PRKN: variants seen among roughly 807,000 people sequenced by gnomAD.
The protein encoded by PRKN is E3 ubiquitin-protein ligase parkin.
In PRKN, 56 loss-of-function variants were observed where a neutral mutation model predicts 59.5. The ratio of observed to expected loss-of-function variants is 0.94; its 90% CI spans 0.76 to 1.18. The LOEUF (loss-of-function observed/expected upper bound fraction) is 1.18. Ranked by LOEUF, PRKN falls within the 50% of genes most tolerant of loss-of-function variation. PRKN has a pLI of 0.00. For missense variants in PRKN, 657 were observed against 596.4 expected (o/e 1.10, Z -1.06); for synonymous variants, 250 against 222.1 (o/e 1.13, Z -1.12).
intron 1 of PRKN, among the ~76,000 whole-genome samples, chr6:162,479,133 C>T (rs1004778622): frequency 6.6e-6 from 1 of 152,000 alleles, no homozygotes; most frequent in Non-Finnish European, 1.5e-5. Context: ...GTTTAACACA[C>T]AAATGTATTG....
At chr6:161,956,911 A>C (rs2128247379) in intron 6 of PRKN, among the ~76,000 whole-genome samples, 1 of 152,312 alleles carries the variant, frequency 6.6e-6, no homozygotes, top group East Asian at 1.9e-4. Flanking sequence ...ACTTTCTTGG[A>C]AAATTTCAAC....
At chr6:162,299,696 T>C (rs905377238) in intron 2 of PRKN, among the ~76,000 whole-genome samples, 4 of 151,886 alleles carry the variant, frequency 2.6e-5, no homozygotes, top group Non-Finnish European at 5.9e-5. Context: ...TTTATATATA[T>C]GTGTGTCTAT....
In PRKN at chr6:161,393,066, T is replaced by C. The variant is rs561790768; in HGVS notation, c.1084-6189A>G. On this transcript the variant is annotated intron_variant, in intron 9 of 11. Transcript: ENST00000366898. This position sits in a 1 kb window ranked among gnomAD's most constrained non-coding sequence, Gnocchi z 4.7. ...GACCCGGAGTCTGAGGCCTCTTGGA[T>C]CATTTATTATCTGTGTGATCCCAAC... Among the ~76,000 whole-genome samples, 23 of 152,242 alleles carry C rather than the reference T, an allele frequency of 1.5e-4. No individual in the cohort carries two copies. The South Asian group carries it at 4.8e-3, about 32-fold the overall frequency.
At chr6:161,653,904 G>A (rs1366400804) in intron 7 of PRKN, among the ~76,000 whole-genome samples, 1 of 152,156 alleles carries the variant, frequency 6.6e-6, no homozygotes, top group Non-Finnish European at 1.5e-5. Flanking sequence ...ACATGTCACA[G>A]GAGCACGCTG....
intron 1 of PRKN, among the ~76,000 whole-genome samples, chr6:162,584,212 C>CAAA (rs777161921): frequency 4.4e-5 from 4 of 91,282 alleles, no homozygotes; most frequent in African/African-American, 1.1e-4. Context: ...GACTCCGTCT[C>CAAA]AAAAAAAAAA....
intron 2 of PRKN, among the ~76,000 whole-genome samples, chr6:162,438,976 T>C (rs7758320): frequency 0.39 from 59,680 of 152,040 alleles, 13,024 homozygotes; most frequent in African/African-American, 0.6. Flanking sequence ...TTTTTTCTTT[T>C]TCCAGCCTAC....
At chr6:162,110,434 T>C (rs1381141992) in intron 4 of PRKN, among the ~76,000 whole-genome samples, 1 of 152,154 alleles carries the variant, frequency 6.6e-6, no homozygotes, top group Non-Finnish European at 1.5e-5. Flanking sequence ...TGTGGACATA[T>C]CAAAACTATG....
Position 161,423,078 on chromosome 6 carries a change from T to C in PRKN, c.1084-36201A>G, listed in dbSNP as rs1163476156. The stretch of plus-strand genomic sequence containing the variant: ...ATCGTAGTGAGAAATGCACGCACTA[T>C]GAGAAGGCCTTGAAACATCAGGAGC... On this transcript the variant is annotated intron_variant, in intron 9 of 11. Coordinates refer to ENST00000366898, the MANE Select transcript of PRKN (RefSeq NM_004562.3). The surrounding 1 kb of genome is among the most constrained non-coding windows in gnomAD (Gnocchi z 5.9). 6.6e-6 allele frequency among the ~76,000 whole-genome samples: 1 copy of C among 152,186 alleles called. No homozygotes were observed. The highest frequency in any genetic ancestry group is 1.9e-4 in the East Asian group (1 of 5,204).
At chr6:161,914,510 C>T (rs1268859755) in intron 6 of PRKN, among the ~76,000 whole-genome samples, 1 of 151,886 alleles carries the variant, frequency 6.6e-6, no homozygotes, top group Non-Finnish European at 1.5e-5. Flanking sequence ...ATACTACACC[C>T]ATCTGCACTG....
At chr6:161,476,013 T>C (rs140869364) in intron 9 of PRKN, among the ~76,000 whole-genome samples, 12,237 of 151,828 alleles carry the variant, frequency 0.081, 587 homozygotes, top group African/African-American at 0.14. Context: ...GGTGAAAGCC[T>C]GTCTCTACTA....
intron 1 of PRKN, among the ~76,000 whole-genome samples, chr6:162,681,060 CT>C (rs1779750868): frequency 7.2e-6 from 1 of 138,338 alleles, no homozygotes; most frequent in African/African-American, 2.5e-5. Context: ...TGGCCTCTCA[CT>C]TTCACACGTG....
chr6:162,368,378 G>A (rs919739719), intron 2 of PRKN, among the ~76,000 whole-genome samples: 2 of 152,182 alleles, frequency 1.3e-5, no homozygotes, highest in Non-Finnish European at 1.5e-5. Context: ...ACTACAGAAT[G>A]TGATTCCATG....
In PRKN at chr6:161,874,885, T is replaced by A. The variant is rs1212873256; in HGVS notation, c.735-88977A>T. On this transcript the variant is annotated intron_variant, in intron 6 of 11. Transcript: ENST00000366898. ...TATAAAATGTAAAATATAAAATATATAATATATAATATATAATATATATTA... is the reference window on the plus strand; with the variant it reads ...TATAAAATGTAAAATATAAAATATAAAATATATAATATATAATATATATTA... 1.9e-4 allele frequency among the ~76,000 whole-genome samples: 20 copies of A among 106,064 alleles called. 2 individuals are homozygous for A. Among genetic ancestry groups the A allele is most frequent in the African/African-American group, 3.3e-4 (8 of 23,944 alleles). The allele number at this position is 106,064 out of a possible 152,430, so 69.6% of individuals were successfully genotyped here. A position where few individuals can be genotyped will look rare whatever the true frequency, so the allele number is the denominator to read the frequency against.
chr6:162,299,651 A>T (rs540933031), intron 2 of PRKN, among the ~76,000 whole-genome samples: 2 of 151,350 alleles, frequency 1.3e-5, no homozygotes, highest in South Asian at 4.2e-4. Flanking sequence ...ATATGTATTT[A>T]TTCCTTTAAA....
chr6:161,821,026 G>C (rs1273852534), intron 6 of PRKN, among the ~76,000 whole-genome samples: 1 of 151,938 alleles, frequency 6.6e-6, no homozygotes, highest in African/African-American at 2.4e-5. Flanking sequence ...ACACATTTAT[G>C]CATCTAAAAA....
At chr6:161,658,393 C>A (rs1233082381) in intron 7 of PRKN, among the ~76,000 whole-genome samples, 1 of 152,154 alleles carries the variant, frequency 6.6e-6, no homozygotes, top group Non-Finnish European at 1.5e-5. Flanking sequence ...CCCTCTCAGT[C>A]CAGTGACTTA....
Position 162,121,003 on chromosome 6 carries a change from G to A in PRKN, c.535-66829C>T, listed in dbSNP as rs1004941685. Among the ~76,000 whole-genome samples, 7 of 152,274 alleles carry A rather than the reference G, an allele frequency of 4.6e-5. No individual in the cohort carries two copies. In the South Asian group the frequency reaches 1.0e-3, roughly 23 times the overall value. ...ATTTTCACTGGAACAAATAAACACA[G>A]CTCCTGGCATCTGGCAGTTTACACC... On this transcript the variant is annotated intron_variant, in intron 4 of 11. Coordinates refer to ENST00000366898, the MANE Select transcript of PRKN (RefSeq NM_004562.3).
At chr6:162,125,274 G>T (rs796671561) in intron 4 of PRKN, among the ~76,000 whole-genome samples, 43 of 152,292 alleles carry the variant, frequency 2.8e-4, no homozygotes, top group African/African-American at 7.9e-4. Flanking sequence ...ATAACTGCAT[G>T]TGAGTCCACG....
intron 6 of PRKN, among the ~76,000 whole-genome samples, chr6:161,809,795 A>G (rs1791487811): frequency 6.6e-6 from 1 of 152,190 alleles, no homozygotes; most frequent in African/African-American, 2.4e-5. Context: ...GTAAGAATGT[A>G]GGTGGATGAA....
Sources: gnomAD v4.1 joint callset for allele counts (sites outside exome capture counted in the v4.1 genomes callset) on GRCh38, gnomAD v4.1.1 for gene constraint, Gnocchi (gnomAD v3.1) non-coding constraint, MANE v1.5 for transcripts, NCBI Gene and HGNC (gene_info 2026-07-23, HGNC 2026-07-21) for gene names.